COL4A2: variants seen among roughly 807,000 people sequenced by gnomAD.
The protein encoded by COL4A2 is collagen alpha-2(IV) chain.
COL4A2 carries 99 observed loss-of-function variants against 200.2 expected under a neutral mutation model. The ratio of observed to expected loss-of-function variants is 0.49; its 90% confidence interval spans 0.42 to 0.58. The LOEUF (loss-of-function observed/expected upper bound fraction) is 0.58. COL4A2 is among the 20% of genes least tolerant of loss of function. COL4A2 has a pLI of 0.00. For missense variants in COL4A2, 1,950 were observed against 2,314.1 expected (o/e 0.84, Z 3.23); for synonymous variants, 897 against 900.6 (o/e 1.00, Z 0.07).
chr13:110,486,693 A>AG (rs1883128051), intron 34 of COL4A2, among the ~76,000 whole-genome samples: 2 of 151,970 alleles, frequency 1.3e-5, no homozygotes, highest in Non-Finnish European at 2.9e-5. Flanking sequence ...GTCTGAAAAG[A>AG]GAGTCAGCGA....
intron 17 of COL4A2, 31 bp from the exon 18 acceptor site, chr13:110,446,767 C>T: frequency 1.3e-6 from 2 of 1,592,488 alleles, no homozygotes; most frequent in Non-Finnish European, 8.6e-7. Context: ...AGGCTATTCT[C>T]ACATCCTGTT....
intron 4 of COL4A2, among the ~76,000 whole-genome samples, chr13:110,390,911 T>G (rs1301196650): frequency 6.6e-6 from 1 of 152,244 alleles, no homozygotes; most frequent in East Asian, 1.9e-4. Flanking sequence ...GAAATTCCTT[T>G]TTTAAAAAGA....
chr13:110,428,964 G>T (rs1880575087), intron 7 of COL4A2: 1 of 175,246 alleles, frequency 5.7e-6, no homozygotes, highest in African/African-American at 2.4e-5. Context: ...TTATTCTCCA[G>T]CAGATACGAT....
intron 40 of COL4A2, among the ~76,000 whole-genome samples, chr13:110,499,269 T>G (rs1883560947): frequency 6.6e-6 from 1 of 152,212 alleles, no homozygotes; most frequent in South Asian, 2.1e-4. Flanking sequence ...GTTTAATTGA[T>G]TCACAGTTCT....
chr13:110,458,895 C>A lies in COL4A2; in HGVS notation c.1557C>A (p.Asp519Glu). Residue 519 changes from aspartate to glutamate, a missense_variant, in exon 22 of 48, where the codon GAC (aspartate) becomes GAA (glutamate). Asp to Glu is a conservative substitution (Grantham distance 45, BLOSUM62 2). This residue lies in a region of COL4A2 where 1,385 missense variants were observed against 1,720.5 expected (regional missense o/e 0.80). Transcript: ENST00000360467. ...GEPGRKGDRG[D>E]PGQHGLPGFP... is the part of the protein sequence containing the mutation. ...CGGGGAGGAAAGGGGACAGAGGAGA[C>A]CCCGGCCAACACGGCCTCCCTGGGT... 1 of 1,597,780 alleles carries A rather than the reference C, an allele frequency of 6.3e-7. No homozygotes were observed. Among genetic ancestry groups the A allele is most frequent in the East Asian group, 2.2e-5 (1 of 44,508 alleles).
chr13:110,397,749 G>A (rs1177969538), intron 4 of COL4A2, among the ~76,000 whole-genome samples: 1 of 152,188 alleles, frequency 6.6e-6, no homozygotes, highest in Non-Finnish European at 1.5e-5. Context: ...GAGTGGGTGG[G>A]TATGAGGGCA....
In COL4A2 at chr13:110,445,879, C is replaced by T. The variant is rs4103; in HGVS notation, c.1008C>T (p.Pro336=). ...GYQGPDGPRG[P]KGEAGDPGPP... is the part of the protein sequence containing the mutation. ...AAGGGCCTGATGGACCCCGGGGACC[C>T]AAGGTGAGCCCGTTTCTCATGTCTT... The change falls in exon 17 of 48, where the codon CCC becomes CCT. Residue 336 remains proline (P), a synonymous_variant. Transcript: ENST00000360467. 0.53 allele frequency: 853,083 copies of T among 1,613,490 alleles called. 227,167 individuals are homozygous for T. The highest frequency in any genetic ancestry group is 0.56 in the East Asian group (25,274 of 44,854).
rs547566744 is a variant in COL4A2 at position 110,402,562 on chromosome 13, C to G, written c.181-22172C>G. Among the ~76,000 whole-genome samples, 4 of 152,362 alleles carry G rather than the reference C, an allele frequency of 2.6e-5. No individual in the cohort carries two copies. In the East Asian group the frequency reaches 5.8e-4, roughly 22 times the overall value. ...CTCCAGGCTGGGCAAACTGGTCACT[C>G]CACTGTTCTGGGTGCTGGGGGCAGC... On this transcript the variant is annotated intron_variant, in intron 4 of 47. Transcript: ENST00000360467.
At chr13:110,344,510 A>T (rs1179961145) in intron 3 of COL4A2, among the ~76,000 whole-genome samples, 1 of 152,190 alleles carries the variant, frequency 6.6e-6, no homozygotes, top group African/African-American at 2.4e-5. Flanking sequence ...TCAGTATGAG[A>T]TGGAAGTCAT....
intron 4 of COL4A2, among the ~76,000 whole-genome samples, chr13:110,369,401 A>G (rs1294179724): frequency 6.6e-6 from 1 of 152,112 alleles, no homozygotes; most frequent in Non-Finnish European, 1.5e-5. Context: ...GGGTTGCTCA[A>G]CCAGTAAGTA....
At chr13:110,431,603 C>T (rs906433475) in intron 10 of COL4A2, among the ~76,000 whole-genome samples, 2 of 152,174 alleles carry the variant, frequency 1.3e-5, no homozygotes, top group African/African-American at 2.4e-5. Context: ...GGCTTAGTCA[C>T]GGCACACATG....
intron 4 of COL4A2, among the ~76,000 whole-genome samples, chr13:110,388,081 G>A (rs777931653): frequency 2.0e-5 from 3 of 152,330 alleles, no homozygotes; most frequent in Non-Finnish European, 4.4e-5. Flanking sequence ...CACCTTTAGA[G>A]GGAAACGCCA....
At chr13:110,405,990 T>C (rs1262837505) in intron 4 of COL4A2, among the ~76,000 whole-genome samples, 1 of 152,188 alleles carries the variant, frequency 6.6e-6, no homozygotes, top group Non-Finnish European at 1.5e-5. Context: ...GGGGAAGCCA[T>C]GGCTGCTCTT....
chr13:110,489,927 A>G (rs748255306), intron 36 of COL4A2, 142 bp downstream of exon 36: 7 of 801,992 alleles, frequency 8.7e-6, no homozygotes, highest in Non-Finnish European at 1.4e-5. Context: ...CCAATGTGCA[A>G]GAAAGACCGT....
intron 3 of COL4A2, among the ~76,000 whole-genome samples, chr13:110,309,806 A>C (rs959581679): frequency 3.3e-5 from 5 of 151,872 alleles, no homozygotes; most frequent in Non-Finnish European, 5.9e-5. Flanking sequence ...TGGGAGAAAC[A>C]CGGTAAAACC....
intron 18 of COL4A2, among the ~76,000 whole-genome samples, chr13:110,447,613 C>T (rs1284317692): frequency 6.6e-6 from 1 of 152,136 alleles, no homozygotes; most frequent in Non-Finnish European, 1.5e-5. Flanking sequence ...GCGTATATAT[C>T]TTTGCGGATC....
At chr13:110,446,248 A>T (rs1461111425) in intron 17 of COL4A2, among the ~76,000 whole-genome samples, 1 of 152,164 alleles carries the variant, frequency 6.6e-6, no homozygotes, top group Non-Finnish European at 1.5e-5. Context: ...AGGGGAGACC[A>T]TTAGGTGGAA....
Position 110,308,076 on chromosome 13 carries a change from C to T in COL4A2, c.52C>T (p.Leu18=). 6.2e-7 allele frequency: 1 copy of T among 1,613,850 alleles called. No individual in the cohort carries two copies. Residue 18 remains leucine, a synonymous_variant, in exon 3 of 48, where the codon CTG becomes TTG. Transcript: ENST00000360467. ...VAGPALRRWL[L]LGTVTVGFLA... ...CCTCCCTTTCCCATGCAGGTGGCTGCTGCTGGGGACAGTGACCGTGGGGTT... is the reference window on the plus strand; with the variant it reads ...CCTCCCTTTCCCATGCAGGTGGCTGTTGCTGGGGACAGTGACCGTGGGGTT...
At chr13:110,399,151 T>C (rs940556781) in intron 4 of COL4A2, among the ~76,000 whole-genome samples, 1 of 151,972 alleles carries the variant, frequency 6.6e-6, no homozygotes, top group Non-Finnish European at 1.5e-5. Context: ...GTGAAGAAAA[T>C]TTATTGAACA....
Sources: gnomAD v4.1 joint callset for allele counts (sites outside exome capture counted in the v4.1 genomes callset) on GRCh38, gnomAD v4.1.1 for gene constraint, gnomAD v4.1.1 regional missense constraint, MANE v1.5 for transcripts, NCBI Gene and HGNC (gene_info 2026-07-23, HGNC 2026-07-21) for gene names.